Variants in ENTREP2 observed in about 807,000 individuals in gnomAD.
ENTREP2 encodes protein ENTREP2.
chr15:29,476,351 T>C, the ENTREP2 span, among the ~76,000 whole-genome samples: 5 of 152,218 alleles, frequency 3.3e-5, no homozygotes, highest in South Asian at 4.1e-4. Flanking sequence ...TGTAGTTCTA[T>C]TGGACTCACT....
the ENTREP2 span, among the ~76,000 whole-genome samples, chr15:29,389,803 ATTTG>A: frequency 2.6e-5 from 4 of 151,500 alleles, no homozygotes; most frequent in African/African-American, 4.9e-5. Context: ...TCAATTCATT[ATTTG>A]TTTATTTGTT....
chr15:29,429,275 G>A, the ENTREP2 span, among the ~76,000 whole-genome samples: 3 of 152,160 alleles, frequency 2.0e-5, no homozygotes, highest in Non-Finnish European at 2.9e-5. Context: ...AAGCTGGAAT[G>A]CACTGGTGCG....
the ENTREP2 span, among the ~76,000 whole-genome samples, chr15:29,413,388 T>C: frequency 1.3e-5 from 2 of 152,314 alleles, no homozygotes; most frequent in African/African-American, 4.8e-5. Context: ...CCTCCATTTT[T>C]ATGTGTTTTT....
chr15:29,175,874 G>A, the ENTREP2 span, among the ~76,000 whole-genome samples: 7 of 152,226 alleles, frequency 4.6e-5, 1 homozygote, highest in South Asian at 1.0e-3. Flanking sequence ...CCAAAGTGCT[G>A]GGATAACAGG....
chr15:29,375,272 T>G, the ENTREP2 span: 1 of 152,252 alleles, frequency 6.6e-6, no homozygotes, highest in African/African-American at 2.4e-5. Flanking sequence ...AAAACCCTAA[T>G]TTTGTGACTG....
At chr15:29,209,086 T>C in the ENTREP2 span, among the ~76,000 whole-genome samples, 1 of 152,214 alleles carries the variant, frequency 6.6e-6, no homozygotes, top group African/African-American at 2.4e-5. Flanking sequence ...GTTTTACTTC[T>C]GATCTAAGTG....
chr15:29,324,841 G>C, the ENTREP2 span, among the ~76,000 whole-genome samples: 34 of 152,266 alleles, frequency 2.2e-4, no homozygotes, highest in African/African-American at 7.9e-4. Context: ...CTTAGTAATT[G>C]ATACATCATC....
the ENTREP2 span, chr15:29,269,741 G>A: frequency 4.8e-6 from 7 of 1,449,774 alleles, no homozygotes; most frequent in Non-Finnish European, 6.3e-6. Context: ...CACTCCGGTA[G>A]GCAAGCAGCC....
chr15:29,153,983 T>C, the ENTREP2 span, among the ~76,000 whole-genome samples: 883 of 152,320 alleles, frequency 5.8e-3, 6 homozygotes, highest in African/African-American at 0.02. Flanking sequence ...ATATCATCCA[T>C]TTTAAGTTAA....
At chr15:29,182,237 G>A in the ENTREP2 span, among the ~76,000 whole-genome samples, 1 of 150,984 alleles carries the variant, frequency 6.6e-6, no homozygotes, top group African/African-American at 2.4e-5. Context: ...CCATTCTCCT[G>A]CCTCAGCCTC....
At chr15:29,326,560 T>G in the ENTREP2 span, among the ~76,000 whole-genome samples, 2 of 150,666 alleles carry the variant, frequency 1.3e-5, no homozygotes, top group Non-Finnish European at 3.0e-5. Flanking sequence ...AATGAAAGAG[T>G]TCAAAGATTA....
chr15:29,234,478 A>G, the ENTREP2 span: 1 of 1,466,714 alleles, frequency 6.8e-7, no homozygotes, highest in Non-Finnish European at 9.6e-7. Context: ...GCATTCGCCT[A>G]TCATATATTT....
chr15:29,243,146 C>G, the ENTREP2 span, among the ~76,000 whole-genome samples: 1 of 152,188 alleles, frequency 6.6e-6, no homozygotes, highest in Non-Finnish European at 1.5e-5. Context: ...CACACACACA[C>G]AGACACACAA....
chr15:29,459,540 C>T, the ENTREP2 span, among the ~76,000 whole-genome samples: 1 of 152,208 alleles, frequency 6.6e-6, no homozygotes, highest in South Asian at 2.1e-4. Context: ...AGGAGTTGTA[C>T]ATGATGTTAT....
chr15:29,159,473 T>C, the ENTREP2 span, among the ~76,000 whole-genome samples: 1 of 152,214 alleles, frequency 6.6e-6, no homozygotes, highest in Non-Finnish European at 1.5e-5. Flanking sequence ...TTGGGCAGCC[T>C]GCTTTTATTC....
the ENTREP2 span, among the ~76,000 whole-genome samples, chr15:29,345,644 G>A: frequency 1.3e-5 from 2 of 151,796 alleles, no homozygotes; most frequent in African/African-American, 4.8e-5. Flanking sequence ...CAGGCTCACA[G>A]TGGCAGCCCT....
At chr15:29,213,432 G>A in the ENTREP2 span, among the ~76,000 whole-genome samples, 10,101 of 152,186 alleles carry the variant, frequency 0.066, 1,156 homozygotes, top group African/African-American at 0.23. Flanking sequence ...AGCATGGAAT[G>A]TTCTTCCATT....
chr15:29,567,337 C>T, the ENTREP2 span, among the ~76,000 whole-genome samples: 2 of 152,168 alleles, frequency 1.3e-5, no homozygotes, highest in African/African-American at 2.4e-5. Context: ...CTTGTATCTT[C>T]ACCTTTCCAG....
chr15:29,398,170 A>T, the ENTREP2 span, among the ~76,000 whole-genome samples: 1 of 149,532 alleles, frequency 6.7e-6, no homozygotes, highest in South Asian at 2.2e-4. Flanking sequence ...CACATACTAG[A>T]TATAAACACA....
Sources: gnomAD v4.1 joint callset for allele counts (sites outside exome capture counted in the v4.1 genomes callset) on GRCh38, gnomAD v4.1.1 for gene constraint, MANE v1.5 for transcripts, NCBI Gene and HGNC (gene_info 2026-07-23, HGNC 2026-07-21) for gene names.